The following MACROD2 variants were observed in gnomAD, a reference collection of about 807,000 sequenced individuals.
MACROD2 encodes ADP-ribose glycohydrolase MACROD2.
MACROD2 carries 36 observed loss-of-function variants against 70.4 expected under a neutral mutation model. That is an observed-to-expected ratio of 0.51 (90% CI 0.39 to 0.68). The LOEUF (loss-of-function observed/expected upper bound fraction) is 0.68. MACROD2 is among the 30% of genes least tolerant of loss of function. MACROD2 has a pLI of 0.00. For synonymous variants in MACROD2, 172 were observed against 178.8 expected (o/e 0.96, Z 0.30); for missense variants, 496 against 538.4 (o/e 0.92, Z 0.78).
chr20:15,539,760 G>C (rs2047929498), intron 8 of MACROD2, among the ~76,000 whole-genome samples: 1 of 152,206 alleles, frequency 6.6e-6, no homozygotes, highest in South Asian at 2.1e-4. Context: ...GGCCAAGGCA[G>C]GTGGATCATG....
intron 3 of MACROD2, among the ~76,000 whole-genome samples, chr20:14,240,211 G>C (rs2081916534): frequency 2.0e-5 from 3 of 152,292 alleles, no homozygotes; most frequent in Non-Finnish European, 2.9e-5. Context: ...AGGTTGTAGA[G>C]TAAAGGGAAT....
intron 5 of MACROD2, among the ~76,000 whole-genome samples, chr20:15,208,075 C>T (rs1255686491): frequency 9.0e-6 from 1 of 111,480 alleles, no homozygotes; most frequent in Non-Finnish European, 1.8e-5. Flanking sequence ...TCACAGGTCC[C>T]TGAAACTCTA....
At chr20:14,517,454 A>ATGGTGT (rs2085114585) in intron 4 of MACROD2, among the ~76,000 whole-genome samples, 1 of 152,076 alleles carries the variant, frequency 6.6e-6, no homozygotes, top group Admixed American at 6.6e-5. Context: ...ACCAAACACC[A>ATGGTGT]TGTGTTTTCA....
intron 4 of MACROD2, among the ~76,000 whole-genome samples, chr20:14,578,986 T>A (rs1338188083): frequency 1.2e-5 from 1 of 84,902 alleles, no homozygotes; most frequent in Non-Finnish European, 2.9e-5. Flanking sequence ...TTTTATGGAA[T>A]GCACTTCTTT....
At chr20:15,579,132 T>G (rs1440788974) in intron 8 of MACROD2, among the ~76,000 whole-genome samples, 3 of 152,140 alleles carry the variant, frequency 2.0e-5, no homozygotes, top group Non-Finnish European at 2.9e-5. Flanking sequence ...CTTTCTCTGG[T>G]TTTCTCTCGG....
At chr20:15,333,497 G>C (rs531208601) in intron 6 of MACROD2, among the ~76,000 whole-genome samples, 2 of 151,492 alleles carry the variant, frequency 1.3e-5, no homozygotes, top group Admixed American at 6.6e-5. Flanking sequence ...ATTTTCTCAA[G>C]AGCTTGGAGA....
intron 5 of MACROD2, among the ~76,000 whole-genome samples, chr20:15,220,480 T>C (rs2076850197): frequency 6.6e-6 from 1 of 152,188 alleles, no homozygotes. Context: ...TCTTGGGACA[T>C]AGGTAGTCAT....
At chr20:14,016,111 A>G (rs1253945994) in intron 2 of MACROD2, among the ~76,000 whole-genome samples, 1 of 152,164 alleles carries the variant, frequency 6.6e-6, no homozygotes, top group African/African-American at 2.4e-5. Context: ...CCACCAATGC[A>G]CAGGGGTTCC....
chr20:15,368,072 G>C (rs574031583), intron 6 of MACROD2, among the ~76,000 whole-genome samples: 1 of 152,042 alleles, frequency 6.6e-6, no homozygotes, highest in Non-Finnish European at 1.5e-5. Flanking sequence ...AACACTACTA[G>C]TATCTTGAGA....
At chr20:15,013,840 G>A (rs1311110398) in intron 5 of MACROD2, among the ~76,000 whole-genome samples, 3 of 152,162 alleles carry the variant, frequency 2.0e-5, no homozygotes, top group Non-Finnish European at 4.4e-5. Flanking sequence ...TCCTGGCGGT[G>A]GAGCTTAGTG....
At chr20:15,954,342 G>T (rs1288718469) in intron 12 of MACROD2, among the ~76,000 whole-genome samples, 1 of 151,974 alleles carries the variant, frequency 6.6e-6, no homozygotes, top group African/African-American at 2.4e-5. Context: ...TCCTCTCATT[G>T]TGCTTCTGCC....
At chr20:14,287,314 G>A (rs1345006773) in intron 3 of MACROD2, among the ~76,000 whole-genome samples, 1 of 152,112 alleles carries the variant, frequency 6.6e-6, no homozygotes, top group East Asian at 1.9e-4. Flanking sequence ...TGCCCTATTA[G>A]GATTTTGTTC....
At chr20:14,307,189 A>C (rs1308647170) in intron 3 of MACROD2, among the ~76,000 whole-genome samples, 5 of 152,178 alleles carry the variant, frequency 3.3e-5, no homozygotes, top group Admixed American at 3.3e-4. Context: ...GATGGCCTCC[A>C]TATTAATTTA....
intron 15 of MACROD2, among the ~76,000 whole-genome samples, chr20:16,016,481 A>T (rs1329217971): frequency 1.3e-5 from 2 of 152,236 alleles, no homozygotes; most frequent in Non-Finnish European, 2.9e-5. Flanking sequence ...GATTTTTCTA[A>T]GACATCTCTC....
intron 3 of MACROD2, among the ~76,000 whole-genome samples, chr20:14,236,781 A>G (rs1398829473): frequency 1.3e-5 from 2 of 152,104 alleles, no homozygotes; most frequent in African/African-American, 4.8e-5. Context: ...TTTAAATTCA[A>G]TCTGCCTTCT....
intron 6 of MACROD2, among the ~76,000 whole-genome samples, chr20:15,334,899 A>G (rs1384686442): frequency 6.6e-6 from 1 of 151,730 alleles, no homozygotes; most frequent in Non-Finnish European, 1.5e-5. Flanking sequence ...ATCTGATGAA[A>G]CCAATAAGGA....
At chr20:14,542,485 G>A (rs961753891) in intron 4 of MACROD2, among the ~76,000 whole-genome samples, 4 of 152,126 alleles carry the variant, frequency 2.6e-5, no homozygotes, top group African/African-American at 9.7e-5. Context: ...AGGAGTTTGG[G>A]TGTTCACAAA....
At chr20:15,953,298 A>G (rs1190270469) in intron 12 of MACROD2, among the ~76,000 whole-genome samples, 1 of 152,158 alleles carries the variant, frequency 6.6e-6, no homozygotes, top group Non-Finnish European at 1.5e-5. Context: ...AGCATTCTAT[A>G]GCATTATAGG....
chr20:15,564,905 C>T (rs574569120), intron 8 of MACROD2, among the ~76,000 whole-genome samples: 11 of 152,214 alleles, frequency 7.2e-5, no homozygotes, highest in Non-Finnish European at 1.2e-4. Context: ...TCTTACATGA[C>T]CCCAGATAAA....
Sources: gnomAD v4.1 joint callset for allele counts (sites outside exome capture counted in the v4.1 genomes callset) on GRCh38, gnomAD v4.1.1 for gene constraint, MANE v1.5 for transcripts, NCBI Gene and HGNC (gene_info 2026-07-23, HGNC 2026-07-21) for gene names.